AGBL1: variants seen among roughly 807,000 people sequenced by gnomAD.
The protein encoded by AGBL1 is AGBL carboxypeptidase 1, also known as cytosolic carboxypeptidase 4.
Under a neutral mutation model 118.9 loss-of-function variants are expected in AGBL1, and 130 were observed. The observed-to-expected ratio is 1.09, with a 90% CI of 0.95 to 1.26. The LOEUF (loss-of-function observed/expected upper bound fraction) is 1.26, where lower values mean the gene tolerates loss of function less well. AGBL1 is among the 50% of genes most tolerant of loss of function. AGBL1 has a pLI of 0.00. For missense variants in AGBL1, 1,584 were observed against 1,298.1 expected, an observed-to-expected ratio of 1.22 and a Z score of -3.38; for synonymous variants, 555 against 478.9, an observed-to-expected ratio of 1.16 and a Z score of -2.08.
intron 18 of AGBL1, among the ~76,000 whole-genome samples, chr15:86,434,502 G>A (rs979203848): frequency 6.6e-6 from 1 of 152,168 alleles, no homozygotes; most frequent in African/African-American, 2.4e-5. Context: ...TTTATGGGAT[G>A]CACCCATTAC....
intron 1 of AGBL1, among the ~76,000 whole-genome samples, chr15:86,135,970 C>G (rs537351823): frequency 1.3e-5 from 2 of 152,296 alleles, no homozygotes; most frequent in African/African-American, 4.8e-5. Context: ...TACCTTAAGA[C>G]TATTATGCTG....
At chr15:86,213,954 T>A (rs529396122) in intron 5 of AGBL1, among the ~76,000 whole-genome samples, 1 of 152,300 alleles carries the variant, frequency 6.6e-6, no homozygotes, top group African/African-American at 2.4e-5. Flanking sequence ...ACCACTGATC[T>A]ACTTTCTGTC....
chr15:87,002,155 A>G (rs1430845365), intron 24 of AGBL1, among the ~76,000 whole-genome samples: 5 of 152,034 alleles, frequency 3.3e-5, no homozygotes, highest in African/African-American at 1.2e-4. Context: ...TAATTTTTGT[A>G]TAAGGTATAA....
intron 18 of AGBL1, among the ~76,000 whole-genome samples, chr15:86,484,967 C>T (rs1202183345): frequency 6.6e-6 from 1 of 152,142 alleles, no homozygotes; most frequent in African/African-American, 2.4e-5. Context: ...TTAAGAGTTC[C>T]CACTTGCTAG....
Position 86,863,044 on chromosome 15 carries a change from C to G in AGBL1, c.3159-44043C>G, listed in dbSNP as rs143868211. ...AATTAGCAGTCCAGGGAAGCACGTG[C>G]TACCATGCTGCAGGAGGTAAATTAC... On this transcript the variant is annotated intron_variant, in intron 22 of 22. Transcript: ENST00000614907. Among the ~76,000 whole-genome samples, 116 of 152,224 alleles carry G rather than the reference C, an allele frequency of 7.6e-4. 1 individual carries two copies. Among genetic ancestry groups the G allele is most frequent in the African/African-American group, 2.7e-3 (112 of 41,548 alleles).
intron 18 of AGBL1, among the ~76,000 whole-genome samples, chr15:86,510,539 A>C (rs1480885331): frequency 6.6e-6 from 1 of 152,076 alleles, no homozygotes; most frequent in Non-Finnish European, 1.5e-5. Flanking sequence ...ACTTTTTTGC[A>C]GTAGGGATAG....
intron 1 of AGBL1, among the ~76,000 whole-genome samples, chr15:86,122,536 A>G (rs2141583352): frequency 1.3e-5 from 2 of 152,296 alleles, no homozygotes; most frequent in Admixed American, 1.3e-4. Flanking sequence ...ATCATCAGCT[A>G]CATCATGTGT....
intron 1 of AGBL1, among the ~76,000 whole-genome samples, chr15:86,115,730 C>T (rs117201130): frequency 0.011 from 1,604 of 152,282 alleles, 15 homozygotes; most frequent in East Asian, 0.048. Flanking sequence ...CTTCTCTTCT[C>T]TGTGTACTTT....
chr15:86,945,213 A>C (rs2080803679), intron 23 of AGBL1, among the ~76,000 whole-genome samples: 1 of 142,074 alleles, frequency 7.0e-6, no homozygotes, highest in Non-Finnish European at 1.5e-5. Context: ...CACGACACCC[A>C]AGTCTGGGCA....
chr15:86,770,831 A>G (rs1480068436), intron 22 of AGBL1, among the ~76,000 whole-genome samples: 1 of 152,066 alleles, frequency 6.6e-6, no homozygotes, highest in Non-Finnish European at 1.5e-5. Context: ...CAGAATAATA[A>G]CAACCTACCT....
chr15:86,989,621 A>G (rs1341413706), intron 24 of AGBL1, among the ~76,000 whole-genome samples: 1 of 152,214 alleles, frequency 6.6e-6, no homozygotes, highest in Non-Finnish European at 1.5e-5. Context: ...AGAAGTATAT[A>G]GCAATGATTA....
intron 18 of AGBL1, among the ~76,000 whole-genome samples, chr15:86,448,123 C>A (rs916266001): frequency 6.6e-6 from 1 of 151,964 alleles, no homozygotes; most frequent in Non-Finnish European, 1.5e-5. Flanking sequence ...CCAGCCTGGA[C>A]GACAGAGCAA....
intron 22 of AGBL1, among the ~76,000 whole-genome samples, chr15:86,791,531 A>G (rs2078493104): frequency 6.6e-6 from 1 of 152,018 alleles, no homozygotes; most frequent in African/African-American, 2.4e-5. Flanking sequence ...TAGGGAAGTA[A>G]AGTCAGCTGG....
intron 19 of AGBL1, among the ~76,000 whole-genome samples, chr15:86,541,929 A>G (rs1385441562): frequency 1.3e-5 from 2 of 152,238 alleles, no homozygotes; most frequent in Non-Finnish European, 2.9e-5. Flanking sequence ...ACAAGATTTG[A>G]TAATATATAT....
chr15:86,793,319 C>T (rs1454235783), intron 22 of AGBL1, among the ~76,000 whole-genome samples: 1 of 152,140 alleles, frequency 6.6e-6, no homozygotes, highest in Non-Finnish European at 1.5e-5. Flanking sequence ...AATTGATAAT[C>T]CAGATATAAA....
chr15:86,361,517 A>G (rs1404985285), intron 17 of AGBL1, among the ~76,000 whole-genome samples: 2 of 152,084 alleles, frequency 1.3e-5, no homozygotes, highest in African/African-American at 4.8e-5. Flanking sequence ...TCTGTTTAGA[A>G]GATATATCCC....
chr15:86,852,469 T>C (rs1209649199), intron 22 of AGBL1, among the ~76,000 whole-genome samples: 1 of 152,146 alleles, frequency 6.6e-6, no homozygotes, highest in African/African-American at 2.4e-5. Flanking sequence ...CTAAATCACT[T>C]TACGACATCC....
At chr15:86,569,546 G>A (rs1462629166) in intron 21 of AGBL1, among the ~76,000 whole-genome samples, 1 of 151,852 alleles carries the variant, frequency 6.6e-6, no homozygotes, top group African/African-American at 2.4e-5. Flanking sequence ...TGTCTCTTTT[G>A]TTTTGTTTTT....
chr15:86,577,343 G>A (rs2084106397), intron 21 of AGBL1, among the ~76,000 whole-genome samples: 1 of 152,160 alleles, frequency 6.6e-6, no homozygotes, highest in African/African-American at 2.4e-5. Flanking sequence ...AGGGTATGTG[G>A]TGGAAGAAAT....
Sources: allele counts gnomAD v4.1 joint callset (sites outside exome capture counted in the v4.1 genomes callset), GRCh38; gene constraint gnomAD v4.1.1; transcripts MANE v1.5; gene names NCBI Gene and HGNC (gene_info 2026-07-23, HGNC 2026-07-21).